AGRN: variants seen among roughly 807,000 people sequenced by gnomAD.
AGRN encodes agrin, also known as agrin proteoglycan.
A neutral mutation model predicts 211.0 loss-of-function variants in AGRN; 106 were observed. That is an observed-to-expected ratio of 0.50 (90% CI 0.43 to 0.59). The LOEUF (loss-of-function observed/expected upper bound fraction) is 0.59. Among genes scored for constraint, AGRN ranks in the 20% least tolerant of loss-of-function variants. The pLI is 0.00. For synonymous variants in AGRN, 1,525 were observed against 1,332.5 expected (o/e 1.14, Z -3.15); for missense variants, 3,040 against 2,982.6 (o/e 1.02, Z -0.45).
At chr1:1,036,504 G>A (rs956100469) in intron 3 of AGRN, among the ~76,000 whole-genome samples, 4 of 152,122 alleles carry the variant, frequency 2.6e-5, no homozygotes, top group South Asian at 2.1e-4. Context: ...TCCTGAAGCC[G>A]CACACCAGCA....
At chr1:1,030,119 A>G (rs1644627063) in intron 2 of AGRN, among the ~76,000 whole-genome samples, 1 of 59,434 alleles carries the variant, frequency 1.7e-5, no homozygotes, top group African/African-American at 7.3e-5. Context: ...GTGTGTGTGC[A>G]GTGCATGGTG....
chr1:1,051,933 C>T (rs1388997355), intron 33 of AGRN, 118 bp downstream of exon 33: 3 of 1,549,208 alleles, frequency 1.9e-6, no homozygotes, highest in Non-Finnish European at 2.6e-6. Flanking sequence ...CTCTGTCCTC[C>T]CGCCTCTCTC....
At chr1:1,025,929 C>T (rs1182393201) in intron 2 of AGRN, among the ~76,000 whole-genome samples, 3 of 152,262 alleles carry the variant, frequency 2.0e-5, no homozygotes, top group South Asian at 2.1e-4. Context: ...TTCCCGCCTG[C>T]GTGAATGGAC....
rs149884587 is a variant in AGRN at position 1,032,504 on chromosome 1, C to T, written c.464-2773C>T. Among the ~76,000 whole-genome samples, 149 of 152,222 alleles carry T rather than the reference C, an allele frequency of 9.8e-4. 5 individuals carry two copies. The East Asian group carries it at 0.026, about 27-fold the overall frequency. On this transcript the variant is annotated intron_variant, in intron 2 of 35. Transcript: ENST00000379370. The surrounding 1 kb of genome is among the most constrained non-coding windows in gnomAD (Gnocchi z 4.7). ...GCCATGGGGTTGAGGGGCCCAGACA[C>T]CCGGCTGGGGGACTCCAGGAAGGCA...
rs2100664588 is a variant in AGRN, at chr1:1,047,576, G to C, written c.3520G>C (p.Asp1174His). The change falls in exon 21 of 36, where the codon GAC becomes CAC. Residue 1174 changes from aspartate to histidine, a missense_variant. Asp to His is a moderately conservative substitution (Grantham distance 81). Transcript: ENST00000379370. The stretch of plus-strand genomic sequence containing the variant: ...CCTTGCCTACTCCCTGCCACAGCTG[G>C]ACGACCTCTTCCGGAATTCAGACGT... Reference protein sequence around the residue: ...ETARSIESTLDDLFRNSDVKK... With the variant: ...ETARSIESTLHDLFRNSDVKK... 5 of 1,612,942 alleles carry C rather than the reference G, an allele frequency of 3.1e-6. No individual in the cohort carries two copies. The highest frequency in any genetic ancestry group is 3.4e-6 in the Non-Finnish European group (4 of 1,180,028).
chr1:1,047,645 G>A lies in AGRN; in HGVS notation c.3589G>A (p.Gly1197Ser), dbSNP rs886460165. The A allele has an allele frequency of 1.4e-5, 22 of 1,613,058 alleles. No individual in the cohort carries two copies. Among genetic ancestry groups the A allele is most frequent in the Middle Eastern group, 3.3e-4 (2 of 6,062 alleles). ...RSVRLRDLGP[G>S]KSVRAIVDVH... ...TGTCCGCTTGCGGGACCTGGGGCCC[G>A]GCAAATCCGTCCGCGCCATTGTGGA... Residue 1197 changes from glycine to serine, a missense_variant, in exon 21 of 36, where the codon GGC (glycine) becomes AGC (serine). By Grantham distance (56) the Gly-to-Ser change is moderately conservative. Transcript: ENST00000379370.
At chr1:1,054,322 G>A (rs982993503) in intron 34 of AGRN, 126 bp from the exon 35 acceptor site, 23 of 889,774 alleles carry the variant, frequency 2.6e-5, no homozygotes, top group Non-Finnish European at 3.7e-5. Context: ...TGCCCCCAGG[G>A]GTGATACCTC....
In AGRN at chr1:1,020,595, C is replaced by T. The variant is rs1211555456; in HGVS notation, c.201+222C>T. On this transcript the variant is annotated intron_variant, in intron 1 of 35. Transcript: ENST00000379370. ...CCGTCCTCCGCCCGCCGCCGCCTCC[C>T]TCCTCGCGGAGACAAGTGCACCTCG... is the stretch of plus-strand genomic sequence containing the variant. Among the ~76,000 whole-genome samples the T allele has an allele frequency of 2.0e-5, 3 of 152,310 alleles. No homozygotes were observed. The East Asian group carries it at 5.8e-4, about 29-fold the overall frequency.
In AGRN at chr1:1,049,007, C is replaced by G; in HGVS notation, c.4246C>G (p.Arg1416Gly). 1 of 1,577,396 alleles carries G rather than the reference C, an allele frequency of 6.3e-7. No homozygotes were observed. Among genetic ancestry groups the G allele is most frequent in the East Asian group, 2.3e-5 (1 of 43,070 alleles). The change falls in exon 24 of 36, where the codon CGG (arginine) becomes GGG (glycine). Residue 1416 changes from arginine (R) to glycine (G), a missense_variant. Physicochemically the swap from Arg to Gly is moderately radical, Grantham distance 125 (BLOSUM62 -2). Coordinates refer to ENST00000379370, the MANE Select transcript of AGRN (RefSeq NM_198576.4). ...GCTGCTGCTGTACAATGGCAACGCC[C>G]GGGGCAAGGACTTCCTGGCATTGGC... ...QGLLLYNGNA[R>G]GKDFLALALL...
At chr1:1,021,997 C>T (rs1037637369) in intron 1 of AGRN, among the ~76,000 whole-genome samples, 2 of 152,248 alleles carry the variant, frequency 1.3e-5, no homozygotes, top group Non-Finnish European at 2.9e-5. Flanking sequence ...ACAGGTGACG[C>T]ATCTCTGAGC....
chr1:1,034,224 T>C (rs1363105887), intron 2 of AGRN: 2 of 985,214 alleles, frequency 2.0e-6, no homozygotes, highest in Non-Finnish European at 2.4e-6. Flanking sequence ...CTCCGGGGGC[T>C]CCGGGAAGAC....
rs35881187 is a variant in AGRN at position 1,043,223 on chromosome 1, CCT to C, written c.1385-15_1385-14del. ...GGGGGGCTTGTGGGACCACTGAGCC[CCT>C]GTGTCCTTCCCAGACCAGGCCCCGT... On this transcript the variant is annotated splice_polypyrimidine_tract_variant and intron_variant, in intron 7 of 35. Coordinates refer to ENST00000379370, the MANE Select transcript of AGRN (RefSeq NM_198576.4). 861,533 of 1,587,886 alleles carry C rather than the reference CCT, an allele frequency of 0.54. 243,783 individuals are homozygous for C. Among genetic ancestry groups the C allele is most frequent in the East Asian group, 0.8 (34,993 of 43,744 alleles).
rs568221504 is a variant in AGRN at position 1,031,213 on chromosome 1, G to T, written c.464-4064G>T. On this transcript the variant is annotated intron_variant, in intron 2 of 35. Coordinates refer to ENST00000379370, the MANE Select transcript of AGRN (RefSeq NM_198576.4). The surrounding 1 kb of genome is among the most constrained non-coding windows in gnomAD (Gnocchi z 4.8). ...TGTGAGATCAGCATGTGTGTGTGCA[G>T]TGCATGGTGCTGTGAGTGTATCAGC... 2.2e-3 allele frequency among the ~76,000 whole-genome samples: 325 copies of T among 149,022 alleles called. 2 individuals carry two copies. Among genetic ancestry groups the T allele is most frequent in the African/African-American group, 7.6e-3 (307 of 40,166 alleles).
rs959993002 is a variant in AGRN, at chr1:1,055,327, G to A, written c.*346G>A. 3.9e-5 allele frequency: 15 copies of A among 388,262 alleles called. No individual in the cohort carries two copies. Among genetic ancestry groups the A allele is most frequent in the South Asian group, 1.7e-4 (8 of 47,486 alleles). 24.1% of individuals were successfully genotyped at this position (388,262 alleles called of 1,614,324 possible). ...CAGGCGGGACTCGTGTCCCAGAGAGGAAGGGGCTGCTGAGGTCTGATGGGG... is the reference window on the plus strand; with the variant it reads ...CAGGCGGGACTCGTGTCCCAGAGAGAAAGGGGCTGCTGAGGTCTGATGGGG... On this transcript the variant is annotated 3_prime_UTR_variant, in exon 36 of 36. Coordinates refer to ENST00000379370, the MANE Select transcript of AGRN (RefSeq NM_198576.4).
At chr1:1,051,186 G>A in intron 30 of AGRN, 67 bp from the exon 31 acceptor site, 1 of 1,535,590 alleles carries the variant, frequency 6.5e-7, no homozygotes. Context: ...GGTGCGTGCA[G>A]GTGCCTGGGC....
chr1:1,025,983 C>CTG (rs1275582185), intron 2 of AGRN, among the ~76,000 whole-genome samples: 1 of 152,080 alleles, frequency 6.6e-6, no homozygotes, highest in East Asian at 1.9e-4. Context: ...CTGCCTTGGC[C>CTG]TGGGGGGGGG....
At position 1,054,563 on chromosome 1, in the gene AGRN, G is replaced by T; in HGVS notation, c.5980+12G>T. The stretch of plus-strand genomic sequence containing the variant: ...AGCCCTGTGGCTTGGTGAGTGTTTT[G>T]GGGAGACTAGAGAGGGATGCCCAAG... On this transcript the variant is annotated intron_variant, in intron 35 of 35. Transcript: ENST00000379370. 6.3e-7 allele frequency: 1 copy of T among 1,577,864 alleles called. No individual in the cohort carries two copies.
chr1:1,025,281 G>A (rs1014804044), intron 2 of AGRN, among the ~76,000 whole-genome samples: 4 of 152,130 alleles, frequency 2.6e-5, no homozygotes, highest in Non-Finnish European at 5.9e-5. Flanking sequence ...GCCTAGTCCC[G>A]GGCCCGCCTG....
intron 12 of AGRN, among the ~76,000 whole-genome samples, 185 bp downstream of exon 12, chr1:1,044,624 T>C (rs942338255): frequency 6.6e-6 from 1 of 152,144 alleles, no homozygotes; most frequent in South Asian, 2.1e-4. Flanking sequence ...GGCGTGTGTG[T>C]CCATCAGTCA....
Sources: gnomAD v4.1 joint callset for allele counts (sites outside exome capture counted in the v4.1 genomes callset) on GRCh38, gnomAD v4.1.1 for gene constraint, Gnocchi (gnomAD v3.1) non-coding constraint, MANE v1.5 for transcripts, NCBI Gene and HGNC (gene_info 2026-07-23, HGNC 2026-07-21) for gene names.